The following COQ3 variants were observed in gnomAD, a reference collection of about 807,000 sequenced individuals.
COQ3 encodes coenzyme Q3, methyltransferase.
In COQ3, 29 loss-of-function variants were observed where a neutral mutation model predicts 33.1. The ratio of observed to expected loss-of-function variants is 0.88; its 90% confidence interval spans 0.65 to 1.19. COQ3 has a LOEUF of 1.19. COQ3 is among the 50% of genes most tolerant of loss of function. COQ3 has a pLI of 0.00. For synonymous variants in COQ3, 173 were observed against 157.8 expected, an observed-to-expected ratio of 1.10 and a Z score of -0.72; for missense variants, 437 against 430.7, an observed-to-expected ratio of 1.01 and a Z score of -0.13.
chr6:99,388,905 A>G lies in COQ3; in HGVS notation c.107-5081T>C, dbSNP rs1163014796. On this transcript the variant is annotated intron_variant, in intron 1 of 6. Transcript: ENST00000254759. ...AATGTATACACGCACACACACACAC[A>G]CACACACACACACACACACACACAC... 1.8e-3 allele frequency among the ~76,000 whole-genome samples: 272 copies of G among 147,224 alleles called. 4 individuals carry two copies. Among genetic ancestry groups the G allele is most frequent in the South Asian group, 0.018 (84 of 4,608 alleles).
At chr6:99,381,445 C>T (rs150768668) in intron 2 of COQ3, among the ~76,000 whole-genome samples, 5 of 152,306 alleles carry the variant, frequency 3.3e-5, no homozygotes, top group Non-Finnish European at 7.3e-5. Flanking sequence ...ATCCTTCCCA[C>T]TCCAACCACA....
chr6:99,376,400 A>G (rs555407332), intron 4 of COQ3, among the ~76,000 whole-genome samples: 1 of 152,374 alleles, frequency 6.6e-6, no homozygotes, highest in South Asian at 2.1e-4. Context: ...AATGAAAACA[A>G]CAAAAAACTG....
chr6:99,371,129 A>G (rs1774131048), intron 6 of COQ3, among the ~76,000 whole-genome samples: 1 of 152,238 alleles, frequency 6.6e-6, no homozygotes, highest in South Asian at 2.1e-4. Flanking sequence ...GAGAATGTGT[A>G]AATAACAGAC....
intron 1 of COQ3, among the ~76,000 whole-genome samples, chr6:99,387,215 G>C (rs922948014): frequency 6.6e-6 from 1 of 152,178 alleles, no homozygotes; most frequent in Non-Finnish European, 1.5e-5. Flanking sequence ...TTGGGAGGCT[G>C]AAGAGTCAAG....
intron 3 of COQ3, among the ~76,000 whole-genome samples, chr6:99,379,100 G>T (rs1774393863): frequency 6.6e-6 from 1 of 151,594 alleles, no homozygotes; most frequent in South Asian, 2.1e-4. Context: ...GTGCCATGTT[G>T]GTGTGCTGCA....
At chr6:99,389,402 G>A (rs1319132830) in intron 1 of COQ3, among the ~76,000 whole-genome samples, 1 of 152,158 alleles carries the variant, frequency 6.6e-6, no homozygotes, top group Non-Finnish European at 1.5e-5. Flanking sequence ...TGGGAATACA[G>A]ACGTGAGCCA....
chr6:99,387,943 T>A (rs2128473472), intron 1 of COQ3, among the ~76,000 whole-genome samples: 1 of 152,198 alleles, frequency 6.6e-6, no homozygotes, highest in Admixed American at 6.5e-5. Flanking sequence ...GGCGGGTGGA[T>A]CACCCGAGGT....
At chr6:99,389,987 G>A (rs1265414691) in intron 1 of COQ3, among the ~76,000 whole-genome samples, 1 of 152,066 alleles carries the variant, frequency 6.6e-6, no homozygotes, top group Admixed American at 6.5e-5. Flanking sequence ...GGTGGGGTGC[G>A]CCTGTAGTCC....
chr6:99,371,935 T>A (rs545006148), intron 5 of COQ3, among the ~76,000 whole-genome samples: 9 of 152,318 alleles, frequency 5.9e-5, no homozygotes, highest in African/African-American at 2.2e-4. Context: ...CACATTCACA[T>A]TCTAACATAT....
intron 1 of COQ3, among the ~76,000 whole-genome samples, chr6:99,392,038 A>C (rs933111771): frequency 1.3e-5 from 2 of 151,920 alleles, no homozygotes; most frequent in Non-Finnish European, 1.5e-5. Flanking sequence ...AAAAATAAAA[A>C]CCACTCTACC....
chr6:99,380,581 A>C lies in COQ3; in HGVS notation c.234-240T>G, dbSNP rs370276772. Among the ~76,000 whole-genome samples the C allele has an allele frequency of 1.3e-3, 198 of 152,298 alleles. 4 individuals are homozygous for C. Among genetic ancestry groups the C allele is most frequent in the South Asian group, 0.01 (50 of 4,824 alleles). Reference sequence around the variant, plus strand: ...GTTTCAATTCAAAACAGAACTTTATAAAACTTAGCCTTCTGGGTCATATCT... The same window carrying C: ...GTTTCAATTCAAAACAGAACTTTATCAAACTTAGCCTTCTGGGTCATATCT... On this transcript the variant is annotated intron_variant, in intron 2 of 6. Transcript: ENST00000254759.
chr6:99,373,234 G>A (rs1774190494), intron 5 of COQ3, among the ~76,000 whole-genome samples: 1 of 152,008 alleles, frequency 6.6e-6, no homozygotes, highest in African/African-American at 2.4e-5. Context: ...AGACAAGCCT[G>A]GTCAACATAG....
In COQ3 at chr6:99,380,286, C is replaced by T. The variant is rs1189086805; in HGVS notation, c.289G>A (p.Val97Ile). The T allele has an allele frequency of 1.2e-6, 2 of 1,613,940 alleles. No individual in the cohort carries two copies. Among genetic ancestry groups the T allele is most frequent in the Non-Finnish European group, 8.5e-7 (1 of 1,179,986 alleles). The change falls in exon 3 of 7, where the codon GTA becomes ATA. Residue 97 changes from valine to isoleucine, a missense_variant. Coordinates refer to ENST00000254759, the MANE Select transcript of COQ3 (RefSeq NM_017421.4). ...TGAGCCAGGGCCAAGAAGGTTTTTACCTCACCGCTGTCGACAGTGGTTTGG... is the reference window on the plus strand; with the variant it reads ...TGAGCCAGGGCCAAGAAGGTTTTTATCTCACCGCTGTCGACAGTGGTTTGG... ...TSQTTVDSGE[V>I]KTFLALAHKW... is the part of the protein sequence containing the mutation.
At position 99,376,185 on chromosome 6, in the gene COQ3, A is replaced by C; in HGVS notation, c.487-3T>G. On this transcript the variant is annotated splice_polypyrimidine_tract_variant and splice_region_variant and intron_variant, in intron 4 of 6. Coordinates refer to ENST00000254759, the MANE Select transcript of COQ3 (RefSeq NM_017421.4). ...GAAGCCCCAAGCCGCCCTAGAGGCT[A>C]ATGGCATTAAAAAAACTGTTACCCT... The C allele has an allele frequency of 6.2e-7, 1 of 1,611,604 alleles. No individual in the cohort carries two copies. The highest frequency in any genetic ancestry group is 8.5e-7 in the Non-Finnish European group (1 of 1,178,916).
intron 1 of COQ3, among the ~76,000 whole-genome samples, chr6:99,386,743 T>C (rs962715785): frequency 1.3e-5 from 2 of 152,146 alleles, no homozygotes; most frequent in Non-Finnish European, 2.9e-5. Context: ...CCAAAATTCA[T>C]ATAGAGAGCC....
chr6:99,369,802 G>A lies in COQ3; in HGVS notation c.908C>T (p.Thr303Ile). The change falls in exon 7 of 7, where the codon ACA becomes ATA. Residue 303 changes from threonine (T) to isoleucine (I), a missense_variant. Transcript: ENST00000254759. ...ILESNGLSVQ[T>I]VVGMLYNPFS... Reference sequence around the variant, plus strand: ...GGGGTTATAGAGCATTCCTACCACTGTTTGAACTGACAGACCATCTGAAAA... The same window carrying A: ...GGGGTTATAGAGCATTCCTACCACTATTTGAACTGACAGACCATCTGAAAA... 1 of 1,583,416 alleles carries A rather than the reference G, an allele frequency of 6.3e-7. No individual in the cohort carries two copies. Among genetic ancestry groups the A allele is most frequent in the Non-Finnish European group, 8.6e-7 (1 of 1,159,906 alleles).
In COQ3 at chr6:99,370,344, C is replaced by T. The variant is rs1262120882; in HGVS notation, c.890-524G>A. Among the ~76,000 whole-genome samples the T allele has an allele frequency of 2.8e-3, 285 of 101,202 alleles. 6 individuals carry two copies. The highest frequency in any genetic ancestry group is 0.01 in the African/African-American group (258 of 25,378). The allele number at this position is 101,202 out of a possible 152,430, so 66.4% of individuals were successfully genotyped here. ...TTCTTTCTTTCTTTTCTTTTCTTTA[C>T]TTTTTTTTTTTTTTTTTTTTGTGAG... On this transcript the variant is annotated intron_variant, in intron 6 of 6. Transcript: ENST00000254759.
At chr6:99,385,523 A>G (rs1193285398) in intron 1 of COQ3, among the ~76,000 whole-genome samples, 1 of 152,216 alleles carries the variant, frequency 6.6e-6, no homozygotes, top group East Asian at 1.9e-4. Flanking sequence ...TAAACAACAC[A>G]CTTCTAAACA....
intron 5 of COQ3, among the ~76,000 whole-genome samples, chr6:99,374,479 T>C (rs1774231591): frequency 6.6e-6 from 1 of 152,204 alleles, no homozygotes; most frequent in Non-Finnish European, 1.5e-5. Flanking sequence ...TGCTATAAAT[T>C]TAAAATTACT....
Sources: allele counts gnomAD v4.1 joint callset (sites outside exome capture counted in the v4.1 genomes callset), GRCh38; gene constraint gnomAD v4.1.1; transcripts MANE v1.5; gene names NCBI Gene and HGNC (gene_info 2026-07-23, HGNC 2026-07-21).